The following ATP5F1B variants were observed in gnomAD, a reference collection of about 807,000 sequenced individuals.
ATP5F1B encodes the protein ATP synthase F(1) complex subunit beta, mitochondrial.
Under a neutral mutation model 45.9 loss-of-function variants are expected in ATP5F1B, and 17 were observed. That is an observed-to-expected ratio of 0.37 (90% confidence interval 0.25 to 0.56). The LOEUF (loss-of-function observed/expected upper bound fraction) is 0.56. Among genes scored for constraint, ATP5F1B ranks in the 20% least tolerant of loss-of-function variants. The pLI is 0.80. For synonymous variants in ATP5F1B, 218 were observed against 256.5 expected, an observed-to-expected ratio of 0.85 and a Z score of 1.43; for missense variants, 387 against 673.2, an observed-to-expected ratio of 0.57 and a Z score of 4.70.
chr12:56,639,485 T>G (rs1017749184), intron 8 of ATP5F1B, 178 bp from the exon 9 acceptor site: 2 of 653,116 alleles, frequency 3.1e-6, no homozygotes, highest in Non-Finnish European at 5.2e-6. Flanking sequence ...AGAAAAATAT[T>G]GCATTCCGCC....
intron 7 of ATP5F1B, among the ~76,000 whole-genome samples, chr12:56,641,526 A>G (rs1308345591): frequency 3.9e-5 from 6 of 152,078 alleles, no homozygotes; most frequent in Non-Finnish European, 8.8e-5. Flanking sequence ...TTGAAAATGT[A>G]TAGTACATTA....
chr12:56,643,095 T>C (rs1951524205), intron 5 of ATP5F1B: 3 of 517,606 alleles, frequency 5.8e-6, no homozygotes, highest in Admixed American at 3.7e-5. Context: ...CTGAAACATA[T>C]GTACCACGTC....
intron 8 of ATP5F1B, 46 bp from the exon 9 acceptor site, chr12:56,639,353 T>C: frequency 6.3e-7 from 1 of 1,577,310 alleles, no homozygotes; most frequent in Non-Finnish European, 8.7e-7. Context: ...ATTCCTTTAA[T>C]TTGGACAAGC....
In ATP5F1B at chr12:56,640,157, A is replaced by G. The variant is rs1461308450; in HGVS notation, c.1110T>C (p.Pro370=). ...AATGGGCAAACGTAGTAGCAGGGGC[A>G]GGGTCAGTCAAGTCATCAGCAGGCA... is the stretch of plus-strand genomic sequence containing the variant. ...IYVPADDLTD[P]APATTFAHLD... Residue 370 remains proline, a synonymous_variant, in exon 8 of 10, where the codon CCT becomes CCC. Coordinates refer to ENST00000262030, the MANE Select transcript of ATP5F1B (RefSeq NM_001686.4). 6.2e-7 allele frequency: 1 copy of G among 1,614,016 alleles called. No individual in the cohort carries two copies. The highest frequency in any genetic ancestry group is 1.7e-5 in the Admixed American group (1 of 59,990).
At chr12:56,642,403 C>G in intron 7 of ATP5F1B, 55 bp downstream of exon 7, 1 of 1,607,292 alleles carries the variant, frequency 6.2e-7, no homozygotes, top group Non-Finnish European at 8.5e-7. Flanking sequence ...CTGAGATGCA[C>G]CACTGCACCC....
At chr12:56,639,496 G>A (rs1021255584) in intron 8 of ATP5F1B, 189 bp from the exon 9 acceptor site, 13 of 611,634 alleles carry the variant, frequency 2.1e-5, no homozygotes, top group Non-Finnish European at 3.4e-5. Flanking sequence ...GCATTCCGCC[G>A]GGCGCAGTGG....
chr12:56,644,750 T>G, intron 3 of ATP5F1B, 31 bp downstream of exon 3: 1 of 1,583,702 alleles, frequency 6.3e-7, no homozygotes, highest in East Asian at 2.3e-5. Flanking sequence ...CAGAAGTTCC[T>G]TTGTGCATAG....
Position 56,640,147 on chromosome 12 carries a change from T to C in ATP5F1B, c.1120A>G (p.Thr374Ala), listed in dbSNP as rs1951501346. 1 of 1,613,898 alleles carries C rather than the reference T, an allele frequency of 6.2e-7. No homozygotes were observed. Among genetic ancestry groups the C allele is most frequent in the Non-Finnish European group, 8.5e-7 (1 of 1,179,982 alleles). The change falls in exon 8 of 10, where the codon ACT (threonine) becomes GCT (alanine). Residue 374 changes from threonine to alanine, a missense_variant. Around this residue, in one of 6 missense-constraint regions of ATP5F1B, gnomAD observed 154 missense variants for 361.4 expected, o/e 0.43. Coordinates refer to ENST00000262030, the MANE Select transcript of ATP5F1B (RefSeq NM_001686.4). ...GTAGCATCCAAATGGGCAAACGTAG[T>C]AGCAGGGGCAGGGTCAGTCAAGTCA... Reference protein sequence around the residue: ...ADDLTDPAPATTFAHLDATTV... With the variant: ...ADDLTDPAPAATFAHLDATTV...
intron 5 of ATP5F1B, 57 bp from the exon 6 acceptor site, chr12:56,642,888 T>G (rs1951523173): frequency 1.3e-6 from 2 of 1,578,738 alleles, no homozygotes; most frequent in South Asian, 2.3e-5. Flanking sequence ...AGCCACATAC[T>G]GAAGGTTCCC....
At chr12:56,638,948 A>T (rs1951492226) in intron 9 of ATP5F1B, among the ~76,000 whole-genome samples, 158 bp downstream of exon 9, 1 of 152,198 alleles carries the variant, frequency 6.6e-6, no homozygotes, top group Non-Finnish European at 1.5e-5. Flanking sequence ...ATCACACTCA[A>T]ATTAAATGTA....
chr12:56,642,998 C>A (rs1951523771), intron 5 of ATP5F1B, 167 bp from the exon 6 acceptor site: 4 of 710,694 alleles, frequency 5.6e-6, no homozygotes, highest in Non-Finnish European at 8.9e-6. Context: ...AAAAAAAAGA[C>A]AGCTTCTTAT....
At position 56,638,322 on chromosome 12, in the gene ATP5F1B, C is replaced by G; in HGVS notation, c.*1G>C. ...GAGACAGTACAGAGGACAAAGACCC[C>G]TCACGATGAATGCTCTTCAGCCAGC... On this transcript the variant is annotated 3_prime_UTR_variant, in exon 10 of 10. Coordinates refer to ENST00000262030, the MANE Select transcript of ATP5F1B (RefSeq NM_001686.4). The G allele has an allele frequency of 6.2e-7, 1 of 1,613,440 alleles. No individual in the cohort carries two copies. The highest frequency in any genetic ancestry group is 8.5e-7 in the Non-Finnish European group (1 of 1,179,406).
chr12:56,639,061 G>T, intron 9 of ATP5F1B, 45 bp downstream of exon 9: 2 of 1,574,122 alleles, frequency 1.3e-6, no homozygotes, highest in Non-Finnish European at 8.7e-7. Context: ...GTTGGAATGG[G>T]ACCACAGCAC....
intron 7 of ATP5F1B, among the ~76,000 whole-genome samples, chr12:56,640,419 G>A (rs555030665): frequency 5.6e-4 from 85 of 152,048 alleles, no homozygotes; most frequent in Middle Eastern, 3.4e-3. Flanking sequence ...TAGTAGAGAC[G>A]GGGTTTCACT....
In ATP5F1B at chr12:56,644,880, C is replaced by A; in HGVS notation, c.386G>T (p.Gly129Val). 1 of 1,614,178 alleles carries A rather than the reference C, an allele frequency of 6.2e-7. No homozygotes were observed. Among genetic ancestry groups the A allele is most frequent in the Non-Finnish European group, 8.5e-7 (1 of 1,180,040 alleles). Residue 129 changes from glycine to valine, a missense_variant, in exon 3 of 10, where the codon GGT becomes GTT. Around this residue, in one of 6 missense-constraint regions of ATP5F1B, gnomAD observed 113 missense variants for 168.0 expected, o/e 0.67. Transcript: ENST00000262030. ...ACCAACAGGAATTTTGATTGGTGCA[C>A]CAGAATCCAGTACTTTCTGGCCTCT... ...LVRGQKVLDS[G>V]APIKIPVGPE...
In ATP5F1B at chr12:56,643,814, A is replaced by G. The variant is rs1166547607; in HGVS notation, c.607+23T>C. ...TTTCCTCCCATATTAGGTTTGGAAA[A>G]TATGTACCCCTTAATAACATACCAA... On this transcript the variant is annotated intron_variant, in intron 4 of 9. Transcript: ENST00000262030. 3 of 1,614,030 alleles carry G rather than the reference A, an allele frequency of 1.9e-6. No individual in the cohort carries two copies. The African/African-American group carries it at 4.0e-5, about 22-fold the overall frequency.
At chr12:56,645,100 G>A (rs1462330724) in intron 2 of ATP5F1B, 71 bp downstream of exon 2, 2 of 1,607,180 alleles carry the variant, frequency 1.2e-6, no homozygotes, top group Admixed American at 1.7e-5. Flanking sequence ...CATCATAGAA[G>A]GCAGACAGCT....
Position 56,643,546 on chromosome 12 carries a change from T to C in ATP5F1B, c.649A>G (p.Met217Val), listed in dbSNP as rs754334660. 64 of 1,614,054 alleles carry C rather than the reference T, an allele frequency of 4.0e-5. No homozygotes were observed. The highest frequency in any genetic ancestry group is 5.2e-5 in the Non-Finnish European group (61 of 1,180,032). The change falls in exon 5 of 10, where the codon ATG becomes GTG. Residue 217 changes from methionine to valine, a missense_variant. Transcript: ENST00000262030. ...GAGVGKTVLI[M>V]ELINNVAKAH... ...TTGGCGACATTGTTGATTAACTCCA[T>C]GATCAGTACAGTCTTGCCAACTCCA... is the stretch of plus-strand genomic sequence containing the variant.
Position 56,642,108 on chromosome 12 carries a change from T to G in ATP5F1B, c.1074+350A>C, listed in dbSNP as rs538386736. Among the ~76,000 whole-genome samples the G allele has an allele frequency of 2.6e-5, 4 of 152,102 alleles. No individual in the cohort carries two copies. In the East Asian group the frequency reaches 5.8e-4, roughly 22 times the overall value. Reference sequence around the variant, plus strand: ...GCCTCCCGGATTCAAGCGATTCTCCTGCCTCAGCCTCTGAGTAGTTGGGAT... The same window carrying G: ...GCCTCCCGGATTCAAGCGATTCTCCGGCCTCAGCCTCTGAGTAGTTGGGAT... On this transcript the variant is annotated intron_variant, in intron 7 of 9. Coordinates refer to ENST00000262030, the MANE Select transcript of ATP5F1B (RefSeq NM_001686.4).
Sources: allele counts gnomAD v4.1 joint callset (sites outside exome capture counted in the v4.1 genomes callset), GRCh38; gene constraint gnomAD v4.1.1; regional missense constraint gnomAD v4.1.1; transcripts MANE v1.5; gene names NCBI Gene and HGNC (gene_info 2026-07-23, HGNC 2026-07-21).